IGF2BP3: variants seen among roughly 807,000 people sequenced by gnomAD.
IGF2BP3 encodes the protein insulin like growth factor 2 mRNA binding protein 3.
IGF2BP3 carries 9 observed loss-of-function variants against 73.8 expected under a neutral mutation model. The observed-to-expected ratio is 0.12, with a 90% CI of 0.07 to 0.21. IGF2BP3 has a LOEUF of 0.21. Among genes scored for constraint, IGF2BP3 ranks in the 10% least tolerant of loss-of-function variants. The pLI, the probability that IGF2BP3 is intolerant of heterozygous loss-of-function variation, is 1.00. For missense variants in IGF2BP3, 542 were observed against 714.0 expected (o/e 0.76, Z 2.75); for synonymous variants, 258 against 256.7 (o/e 1.01, Z -0.05).
At chr7:23,357,777 A>G (rs991536983) in intron 5 of IGF2BP3, among the ~76,000 whole-genome samples, 2 of 152,272 alleles carry the variant, frequency 1.3e-5, no homozygotes, top group African/African-American at 4.8e-5. Flanking sequence ...TATGTGTACT[A>G]TTAACCTTTG....
chr7:23,359,002 G>C (rs1785160932), intron 5 of IGF2BP3, among the ~76,000 whole-genome samples: 1 of 152,140 alleles, frequency 6.6e-6, no homozygotes. Context: ...TTAGAACAAA[G>C]GACATGAAGA....
intron 5 of IGF2BP3, among the ~76,000 whole-genome samples, chr7:23,353,530 C>T (rs909671026): frequency 1.3e-5 from 2 of 152,196 alleles, no homozygotes; most frequent in African/African-American, 4.8e-5. Flanking sequence ...CCCTCCAAGG[C>T]CCTTCCCAGA....
rs577616869 is a variant in IGF2BP3, at chr7:23,438,605, C to T, written c.237-19781G>A. Among the ~76,000 whole-genome samples the T allele has an allele frequency of 7.9e-5, 12 of 152,102 alleles. No homozygotes were observed. The East Asian group carries it at 2.1e-3, about 27-fold the overall frequency. On this transcript the variant is annotated intron_variant, in intron 2 of 14. Transcript: ENST00000258729. Reference sequence around the variant, plus strand: ...ACCAGCCTGGGCAACACAGTGAGACCGACTCTATTTTTAAAAAATTTTTTA... The same window carrying T: ...ACCAGCCTGGGCAACACAGTGAGACTGACTCTATTTTTAAAAAATTTTTTA...
chr7:23,464,707 T>C (rs1399854737), intron 2 of IGF2BP3, among the ~76,000 whole-genome samples: 9 of 142,532 alleles, frequency 6.3e-5, no homozygotes. Context: ...TAAATAAAAA[T>C]AAAAATAAAA....
chr7:23,340,842 T>C (rs182326800), intron 10 of IGF2BP3, among the ~76,000 whole-genome samples: 2 of 150,230 alleles, frequency 1.3e-5, no homozygotes, highest in East Asian at 3.9e-4. Context: ...TCTTTCTTTT[T>C]CTTTTTCTTT....
At chr7:23,402,332 C>A (rs1480714679) in intron 3 of IGF2BP3, 1 of 152,140 alleles carries the variant, frequency 6.6e-6, no homozygotes, top group Non-Finnish European at 1.5e-5. Flanking sequence ...GTATATAAAG[C>A]TAAGAAGAAA....
intron 2 of IGF2BP3, among the ~76,000 whole-genome samples, chr7:23,454,854 G>A (rs1367467303): frequency 1.3e-5 from 2 of 152,108 alleles, no homozygotes; most frequent in African/African-American, 4.8e-5. Context: ...TATAATACCA[G>A]GAGCTTTAAC....
At position 23,469,497 on chromosome 7, in the gene IGF2BP3, G is replaced by A. The variant is rs1398811415; in HGVS notation, c.175+439C>T. ...GGCCACTTTCCGTTCTCCACGGCCG[G>A]GGGTTTCGGGGCGCAGCACAGACAG... On this transcript the variant is annotated intron_variant, in intron 1 of 14. Transcript: ENST00000258729. This position sits in a 1 kb window ranked among gnomAD's most constrained non-coding sequence, Gnocchi z 6.1. The A allele has an allele frequency of 1.3e-5, 2 of 152,334 alleles. No individual in the cohort carries two copies. The highest frequency in any genetic ancestry group is 2.9e-5 in the Non-Finnish European group (2 of 68,120). 9.4% of individuals were successfully genotyped at this position (152,334 alleles called of 1,614,324 possible). A position where few individuals can be genotyped will look rare whatever the true frequency, so the allele number is the denominator to read the frequency against.
intron 10 of IGF2BP3, among the ~76,000 whole-genome samples, chr7:23,326,995 C>G (rs1784316105): frequency 1.3e-5 from 2 of 150,800 alleles, no homozygotes; most frequent in Admixed American, 1.3e-4. Context: ...TGCAGGGCAC[C>G]AGCATGGCAC....
intron 3 of IGF2BP3, among the ~76,000 whole-genome samples, chr7:23,418,354 T>A (rs1404753507): frequency 6.6e-6 from 1 of 152,214 alleles, no homozygotes; most frequent in Non-Finnish European, 1.5e-5. Context: ...ACACAATCAG[T>A]GCAGTGCCAC....
chr7:23,381,344 C>T (rs1785903687), intron 3 of IGF2BP3, among the ~76,000 whole-genome samples: 1 of 152,326 alleles, frequency 6.6e-6, no homozygotes, highest in African/African-American at 2.4e-5. Context: ...TGTGAACCCA[C>T]ACTACGTGAC....
At chr7:23,384,480 TC>T (rs1786018771) in intron 3 of IGF2BP3, among the ~76,000 whole-genome samples, 1 of 152,194 alleles carries the variant, frequency 6.6e-6, no homozygotes, top group African/African-American at 2.4e-5. Context: ...TTTAACAAAG[TC>T]CTATTTATAA....
Position 23,368,673 on chromosome 7 carries a change from G to A in IGF2BP3, c.286-6932C>T, listed in dbSNP as rs568938322. On this transcript the variant is annotated intron_variant, in intron 3 of 14. Coordinates refer to ENST00000258729, the MANE Select transcript of IGF2BP3 (RefSeq NM_006547.3). ...AGCACTTTGGAAGGCCAAAGCGGGC[G>A]GATCACCTGAGGTCAGGAGTTTGAG... Among the ~76,000 whole-genome samples, 4 of 152,202 alleles carry A rather than the reference G, an allele frequency of 2.6e-5. No individual in the cohort carries two copies. In the South Asian group the frequency reaches 6.2e-4, roughly 24 times the overall value.
At chr7:23,313,414 T>G in intron 13 of IGF2BP3, 108 bp downstream of exon 13, 1 of 1,257,058 alleles carries the variant, frequency 8.0e-7, no homozygotes, top group Non-Finnish European at 1.1e-6. Flanking sequence ...TTGGTCAAGA[T>G]GGTCCTGCTT....
intron 6 of IGF2BP3, among the ~76,000 whole-genome samples, chr7:23,348,772 G>A (rs1160852003): frequency 1.3e-5 from 2 of 152,174 alleles, no homozygotes; most frequent in African/African-American, 4.8e-5. Flanking sequence ...GCAGAGAGAT[G>A]ATCATTTGTA....
At chr7:23,411,215 T>G (rs1390172939) in intron 3 of IGF2BP3, among the ~76,000 whole-genome samples, 3 of 152,250 alleles carry the variant, frequency 2.0e-5, no homozygotes, top group Non-Finnish European at 4.4e-5. Context: ...TCAACGTCAC[T>G]GTTTCTACAG....
Position 23,438,491 on chromosome 7 carries a change from C to T in IGF2BP3, c.237-19667G>A, listed in dbSNP as rs77611160. Among the ~76,000 whole-genome samples the T allele has an allele frequency of 2.2e-3, 334 of 152,182 alleles. 3 individuals are homozygous for T. Among genetic ancestry groups the T allele is most frequent in the African/African-American group, 7.7e-3 (319 of 41,510 alleles). On this transcript the variant is annotated intron_variant, in intron 2 of 14. Transcript: ENST00000258729. ...GATCATTTCAAGGCAAATATCCAAC[C>T]TCAGTCACCATCTAAGGTAAATGAG...
At chr7:23,390,802 T>C (rs1317813505) in intron 3 of IGF2BP3, among the ~76,000 whole-genome samples, 8 of 145,988 alleles carry the variant, frequency 5.5e-5, no homozygotes, top group Non-Finnish European at 7.6e-5. Context: ...ATTGTTGCCT[T>C]TTTTTTTTTT....
chr7:23,373,161 T>C (rs923863723), intron 3 of IGF2BP3, among the ~76,000 whole-genome samples: 6 of 152,368 alleles, frequency 3.9e-5, no homozygotes, highest in Middle Eastern at 3.4e-3. Flanking sequence ...CCCTTGCTCA[T>C]GTTCCAAGTA....
Sources: gnomAD v4.1 joint callset for allele counts (sites outside exome capture counted in the v4.1 genomes callset) on GRCh38, gnomAD v4.1.1 for gene constraint, Gnocchi (gnomAD v3.1) non-coding constraint, MANE v1.5 for transcripts, NCBI Gene and HGNC (gene_info 2026-07-23, HGNC 2026-07-21) for gene names.